The following PTPRD variants were observed in gnomAD, a reference collection of about 807,000 sequenced individuals.
The protein encoded by PTPRD is receptor-type tyrosine-protein phosphatase delta.
Under a neutral mutation model 214.5 loss-of-function variants are expected in PTPRD, and 34 were observed. That is an observed-to-expected ratio of 0.16 (90% CI 0.12 to 0.21). The LOEUF is 0.21. PTPRD is among the 10% of genes least tolerant of loss of function. The probability of loss-of-function intolerance (pLI) is 1.00; values close to 1 mark genes in which losing one functional copy is unlikely to be tolerated. For synonymous variants in PTPRD, 1,128 were observed against 845.7 expected (o/e 1.33, Z -5.79); for missense variants, 2,545 against 2,398.7 (o/e 1.06, Z -1.27).
chr9:10,551,938 C>T (rs1278797432), intron 2 of PTPRD, among the ~76,000 whole-genome samples: 1 of 152,210 alleles, frequency 6.6e-6, no homozygotes, highest in African/African-American at 2.4e-5. Flanking sequence ...CCTTTCTGCA[C>T]ATTCATCCAC....
At chr9:9,100,872 C>A (rs2099790268) in intron 10 of PTPRD, among the ~76,000 whole-genome samples, 1 of 152,146 alleles carries the variant, frequency 6.6e-6, no homozygotes, top group East Asian at 1.9e-4. Context: ...TTTCCAAATT[C>A]TCATTCATAC....
chr9:9,139,654 C>T (rs1472380675), intron 10 of PTPRD, among the ~76,000 whole-genome samples: 1 of 152,078 alleles, frequency 6.6e-6, no homozygotes, highest in Non-Finnish European at 1.5e-5. Flanking sequence ...TGGGACTGCA[C>T]AAGATTTTCA....
rs1369325592 is a variant in PTPRD at position 8,314,397 on chromosome 9, G to A, written c.*3477C>T. ...CTTTCATTCTGTAAAACATTTACGC[G>A]TACTACTAATTAGAGGTAATTGTAT... On this transcript the variant is annotated 3_prime_UTR_variant, in exon 46 of 46. Coordinates refer to ENST00000381196, the MANE Select transcript of PTPRD (RefSeq NM_002839.4). 1.3e-5 allele frequency: 3 copies of A among 229,912 alleles called. No homozygotes were observed. Among genetic ancestry groups the A allele is most frequent in the South Asian group, 1.8e-4 (1 of 5,500 alleles). 14.2% of individuals were successfully genotyped at this position (229,912 alleles called of 1,614,324 possible). A position where few individuals can be genotyped will look rare whatever the true frequency, so the allele number is the denominator to read the frequency against.
chr9:8,858,584 T>C (rs572407395), intron 11 of PTPRD, among the ~76,000 whole-genome samples: 5 of 152,292 alleles, frequency 3.3e-5, no homozygotes, highest in Admixed American at 1.3e-4. Flanking sequence ...CGTAACGTGC[T>C]GGGGATCCCA....
chr9:8,341,915 A>G lies in PTPRD; in HGVS notation c.4725T>C (p.His1575=). The part of the protein sequence containing the change: ...VIDAMLERIK[H]EKTVDIYGHV... ...GGCCATAAATATCTACAGTTTTTTC[A>G]TGCTTTATTCTTTCTAACATGGCAT... Residue 1575 remains histidine, a synonymous_variant, in exon 40 of 46, where the codon CAT becomes CAC. Coordinates refer to ENST00000381196, the MANE Select transcript of PTPRD (RefSeq NM_002839.4). 1 of 1,613,196 alleles carries G rather than the reference A, an allele frequency of 6.2e-7. No individual in the cohort carries two copies. Among genetic ancestry groups the G allele is most frequent in the Admixed American group, 1.7e-5 (1 of 59,862 alleles).
intron 3 of PTPRD, among the ~76,000 whole-genome samples, chr9:10,129,499 C>CTTTTTTTTTTTTTTTTTTTTTCTT (rs35281382): frequency 7.9e-6 from 1 of 125,824 alleles, no homozygotes; most frequent in Admixed American, 8.2e-5. Flanking sequence ...TTTTTCTTTC[C>CTTTTTTTTTTTTTTTTTTTTTCTT]TTTTTTTTTT....
intron 7 of PTPRD, among the ~76,000 whole-genome samples, chr9:9,594,506 C>G (rs2154331159): frequency 6.6e-6 from 1 of 152,076 alleles, no homozygotes; most frequent in South Asian, 2.1e-4. Flanking sequence ...GCCAATTATC[C>G]CAGCACCATT....
intron 2 of PTPRD, among the ~76,000 whole-genome samples, chr9:10,416,034 G>A (rs1397127216): frequency 6.6e-6 from 1 of 151,444 alleles, no homozygotes; most frequent in African/African-American, 2.4e-5. Flanking sequence ...TTTTTTCAAA[G>A]ATAAGAAAAA....
At chr9:9,837,928 C>T (rs56252364) in intron 5 of PTPRD, among the ~76,000 whole-genome samples, 63,313 of 152,024 alleles carry the variant, frequency 0.42, 16,035 homozygotes, top group Non-Finnish European at 0.58. Flanking sequence ...CTCCCCCAAC[C>T]CCACAACAGT....
intron 2 of PTPRD, among the ~76,000 whole-genome samples, chr9:10,460,834 T>A (rs2098953130): frequency 6.6e-6 from 1 of 152,134 alleles, no homozygotes. Flanking sequence ...GTCTTAGCAA[T>A]GATTTATTGG....
intron 2 of PTPRD, among the ~76,000 whole-genome samples, chr9:10,600,759 C>T (rs1345548955): frequency 6.6e-6 from 1 of 151,676 alleles, no homozygotes; most frequent in Non-Finnish European, 1.5e-5. Context: ...ACAGAGGTCC[C>T]TCAAAAGTTG....
At chr9:8,429,915 C>A (rs1218528755) in intron 35 of PTPRD, among the ~76,000 whole-genome samples, 1 of 152,186 alleles carries the variant, frequency 6.6e-6, no homozygotes, top group Non-Finnish European at 1.5e-5. Context: ...TAAGGTAATA[C>A]TACTAACAGA....
At chr9:9,472,136 C>G (rs2094636448) in intron 8 of PTPRD, among the ~76,000 whole-genome samples, 1 of 150,198 alleles carries the variant, frequency 6.7e-6, no homozygotes, top group African/African-American at 2.4e-5. Flanking sequence ...AAGGACGTGT[C>G]TCATTTACAA....
chr9:10,423,549 T>C (rs1384126108), intron 2 of PTPRD, among the ~76,000 whole-genome samples: 2 of 151,946 alleles, frequency 1.3e-5, no homozygotes, highest in African/African-American at 4.8e-5. Flanking sequence ...ATTCCCTCTT[T>C]TGTTTCATTT....
At chr9:10,469,748 A>G (rs1256251885) in intron 2 of PTPRD, among the ~76,000 whole-genome samples, 1 of 152,136 alleles carries the variant, frequency 6.6e-6, no homozygotes. Flanking sequence ...GCCAATATAT[A>G]GAACCAACCC....
intron 2 of PTPRD, among the ~76,000 whole-genome samples, chr9:10,395,245 TC>T (rs2098144722): frequency 6.6e-6 from 1 of 151,058 alleles, no homozygotes; most frequent in Non-Finnish European, 1.5e-5. Context: ...ATGCTATCCC[TC>T]CCCCATCCCC....
chr9:8,784,196 C>A (rs1437258874), intron 11 of PTPRD, among the ~76,000 whole-genome samples: 4 of 152,154 alleles, frequency 2.6e-5, no homozygotes, highest in Non-Finnish European at 5.9e-5. Flanking sequence ...ATAATGGCTT[C>A]ATTCTGCTGA....
chr9:10,278,843 C>G (rs145528230), intron 3 of PTPRD, among the ~76,000 whole-genome samples: 1 of 151,876 alleles, frequency 6.6e-6, no homozygotes, highest in Non-Finnish European at 1.5e-5. Context: ...AGCGCGATCT[C>G]GGCTCACTGC....
At chr9:10,544,937 A>T (rs2130819367) in intron 2 of PTPRD, among the ~76,000 whole-genome samples, 1 of 152,342 alleles carries the variant, frequency 6.6e-6, no homozygotes, top group African/African-American at 2.4e-5. Context: ...TAGAAAAACA[A>T]GCACATAAAT....
Sources: allele counts gnomAD v4.1 joint callset (sites outside exome capture counted in the v4.1 genomes callset), GRCh38; gene constraint gnomAD v4.1.1; transcripts MANE v1.5; gene names NCBI Gene and HGNC (gene_info 2026-07-23, HGNC 2026-07-21).